PTPRG: variants seen among roughly 807,000 people sequenced by gnomAD.
PTPRG encodes the protein receptor-type tyrosine-protein phosphatase gamma.
Under a neutral mutation model 165.3 loss-of-function variants are expected in PTPRG, and 102 were observed. That is an observed-to-expected ratio of 0.62 (90% CI 0.53 to 0.73). The LOEUF (loss-of-function observed/expected upper bound fraction) is 0.73. PTPRG is among the 30% of genes least tolerant of loss of function. The pLI is 0.00. For missense variants in PTPRG, 1,866 were observed against 1,861.4 expected (o/e 1.00, Z -0.05); for synonymous variants, 675 against 669.5 (o/e 1.01, Z -0.13).
At chr3:61,801,668 T>G (rs2035247305) in intron 2 of PTPRG, among the ~76,000 whole-genome samples, 1 of 152,136 alleles carries the variant, frequency 6.6e-6, no homozygotes, top group South Asian at 2.1e-4. Flanking sequence ...TTAGGGACTG[T>G]TTCTCTCTGT....
At chr3:61,802,980 G>A (rs926134882) in intron 2 of PTPRG, among the ~76,000 whole-genome samples, 9 of 152,196 alleles carry the variant, frequency 5.9e-5, no homozygotes, top group Non-Finnish European at 1.2e-4. Flanking sequence ...TCTAGACCCT[G>A]GGTAGGCAAA....
At chr3:62,060,078 C>T (rs1467918204) in intron 4 of PTPRG, among the ~76,000 whole-genome samples, 2 of 151,872 alleles carry the variant, frequency 1.3e-5, no homozygotes, top group East Asian at 1.9e-4. Flanking sequence ...ATTAGCTGGG[C>T]ATGATGGCAC....
At chr3:61,882,580 A>G (rs2037916695) in intron 2 of PTPRG, among the ~76,000 whole-genome samples, 1 of 152,210 alleles carries the variant, frequency 6.6e-6, no homozygotes, top group Admixed American at 6.5e-5. Flanking sequence ...TTTCTACAAA[A>G]GTCCTGCATA....
chr3:61,583,472 A>C (rs1700354707), intron 1 of PTPRG, among the ~76,000 whole-genome samples: 1 of 152,236 alleles, frequency 6.6e-6, no homozygotes. Flanking sequence ...ATGTAAGTAA[A>C]GCACTGGTCC....
chr3:61,717,553 C>G (rs904762708), intron 1 of PTPRG, among the ~76,000 whole-genome samples: 2 of 151,692 alleles, frequency 1.3e-5, no homozygotes, highest in Non-Finnish European at 2.9e-5. Context: ...TTTGGGAGGC[C>G]GAGGCAAGCG....
At chr3:61,566,297 T>C (rs768989985) in intron 1 of PTPRG, among the ~76,000 whole-genome samples, 3 of 152,284 alleles carry the variant, frequency 2.0e-5, no homozygotes, top group Non-Finnish European at 4.4e-5. Flanking sequence ...ATCCAGCGAA[T>C]GCTGATGATT....
chr3:61,983,953 G>T (rs188061781), intron 2 of PTPRG, among the ~76,000 whole-genome samples: 1 of 152,126 alleles, frequency 6.6e-6, no homozygotes. Context: ...TATATGTGTC[G>T]ACCAAGTTCT....
chr3:62,225,547 T>C (rs1322307179), intron 13 of PTPRG, among the ~76,000 whole-genome samples: 1 of 151,840 alleles, frequency 6.6e-6, no homozygotes, highest in Admixed American at 6.6e-5. Context: ...TCCTGAGGGA[T>C]GTTGCATAGA....
At chr3:61,678,969 C>T (rs1347230934) in intron 1 of PTPRG, among the ~76,000 whole-genome samples, 7 of 151,832 alleles carry the variant, frequency 4.6e-5, no homozygotes, top group Admixed American at 4.6e-4. Flanking sequence ...GCAATAATGG[C>T]TTTTTTTCCC....
intron 5 of PTPRG, among the ~76,000 whole-genome samples, chr3:62,119,902 G>A (rs1703002657): frequency 6.6e-6 from 1 of 150,802 alleles, no homozygotes; most frequent in African/African-American, 2.4e-5. Flanking sequence ...CCAAAGTGCT[G>A]GAATTACAGG....
Position 62,203,813 on chromosome 3 carries a change from C to T in PTPRG, c.2018C>T (p.Ser673Phe). The T allele has an allele frequency of 6.2e-7, 1 of 1,613,960 alleles. No individual in the cohort carries two copies. The highest frequency in any genetic ancestry group is 8.5e-7 in the Non-Finnish European group (1 of 1,179,982). The change falls in exon 12 of 30, where the codon TCC becomes TTC. Residue 673 changes from serine to phenylalanine, a missense_variant. Physicochemically the swap from Ser to Phe is radical, Grantham distance 155. This residue lies in a region of PTPRG where 1,452 missense variants were observed against 1,463.0 expected (regional missense o/e 0.99). Transcript: ENST00000474889. The surrounding 1 kb of genome is among the most constrained non-coding windows in gnomAD (Gnocchi z 6.4). ...GGCCTGGACCCCGACATGGTCACCT[C>T]CACCCAAGTGCCCCCCACCGCCACA... The part of the protein sequence containing the change: ...GPGLDPDMVT[S>F]TQVPPTATEE...
intron 25 of PTPRG, 118 bp from the exon 26 acceptor site, chr3:62,277,433 C>T (rs887993837): frequency 8.5e-7 from 1 of 1,171,086 alleles, no homozygotes; most frequent in Non-Finnish European, 1.2e-6. Context: ...GAATGCCTTT[C>T]TCAATTATTT....
In PTPRG at chr3:62,292,331, T is replaced by G. The variant is rs1013944319; in HGVS notation, c.4056-90T>G. ...GTAAATGTCAAAACAGTCTACTTAG[T>G]TTCTATGAAAATACATGACAGTAAT... On this transcript the variant is annotated intron_variant, in intron 28 of 29. Coordinates refer to ENST00000474889, the MANE Select transcript of PTPRG (RefSeq NM_002841.4). The G allele has an allele frequency of 1.1e-5, 15 of 1,390,050 alleles. No homozygotes were observed. In the South Asian group the frequency reaches 1.6e-4, roughly 15 times the overall value. 86.1% of individuals were successfully genotyped at this position (1,390,050 alleles called of 1,614,324 possible). A position where few individuals can be genotyped will look rare whatever the true frequency, so the allele number is the denominator to read the frequency against.
chr3:62,098,182 A>T (rs1702178904), intron 5 of PTPRG, among the ~76,000 whole-genome samples: 1 of 152,250 alleles, frequency 6.6e-6, no homozygotes, highest in African/African-American at 2.4e-5. Context: ...CTTTAAGACC[A>T]GTACAAGCCC....
intron 2 of PTPRG, among the ~76,000 whole-genome samples, chr3:61,906,298 A>C (rs1381500563): frequency 1.3e-5 from 2 of 150,304 alleles, no homozygotes; most frequent in Non-Finnish European, 3.0e-5. Context: ...ACTAAAAATA[A>C]AAAAAAAATT....
intron 1 of PTPRG, among the ~76,000 whole-genome samples, chr3:61,631,526 C>G (rs1334377452): frequency 1.3e-5 from 2 of 152,176 alleles, no homozygotes; most frequent in African/African-American, 4.8e-5. Context: ...AGAAAAACCA[C>G]AGTGTATATA....
intron 2 of PTPRG, among the ~76,000 whole-genome samples, chr3:61,889,888 C>T (rs1194660715): frequency 6.6e-6 from 1 of 152,080 alleles, no homozygotes; most frequent in East Asian, 1.9e-4. Flanking sequence ...TTAAAAACAC[C>T]AACTTATAAT....
intron 8 of PTPRG, among the ~76,000 whole-genome samples, chr3:62,189,126 G>A (rs1337285785): frequency 2.6e-5 from 4 of 152,048 alleles, no homozygotes; most frequent in African/African-American, 4.8e-5. Context: ...TTTGCGCAGC[G>A]GACAGCGTGA....
chr3:62,061,604 A>AC (rs1437579943), intron 4 of PTPRG, among the ~76,000 whole-genome samples: 2 of 151,076 alleles, frequency 1.3e-5, no homozygotes, highest in Non-Finnish European at 2.9e-5. Context: ...AAGCCTAAAA[A>AC]ACATTACTTG....
Sources: allele counts gnomAD v4.1 joint callset (sites outside exome capture counted in the v4.1 genomes callset), GRCh38; gene constraint gnomAD v4.1.1; regional missense constraint gnomAD v4.1.1; non-coding constraint Gnocchi (gnomAD v3.1); transcripts MANE v1.5; gene names NCBI Gene and HGNC (gene_info 2026-07-23, HGNC 2026-07-21).